The following KANSL1L variants were observed in gnomAD, a reference collection of about 807,000 sequenced individuals.
The protein encoded by KANSL1L is KAT8 regulatory NSL complex subunit 1 like, also known as KAT8 regulatory NSL complex subunit 1-like protein.
KANSL1L carries 25 observed loss-of-function variants against 108.6 expected under a neutral mutation model. The ratio of observed to expected loss-of-function variants is 0.23; its 90% CI spans 0.17 to 0.32. KANSL1L has a LOEUF of 0.32. Among genes scored for constraint, KANSL1L ranks in the 10% least tolerant of loss-of-function variants. The pLI is 1.00. For missense variants in KANSL1L, 1,137 were observed against 1,125.7 expected (o/e 1.01, Z -0.14); for synonymous variants, 405 against 395.1 (o/e 1.03, Z -0.30).
intron 1 of KANSL1L, among the ~76,000 whole-genome samples, chr2:210,161,083 G>T (rs1289846504): frequency 1.3e-5 from 2 of 150,384 alleles, no homozygotes; most frequent in Non-Finnish European, 2.9e-5. Flanking sequence ...CCGCCTCCCA[G>T]GTTGAAGTGA....
chr2:210,166,057 C>T (rs141945156), intron 1 of KANSL1L, among the ~76,000 whole-genome samples: 2 of 152,180 alleles, frequency 1.3e-5, no homozygotes, highest in East Asian at 1.9e-4. Flanking sequence ...GTACTGTCTG[C>T]GATTTCAGGT....
Position 210,021,480 on chromosome 2 carries a change from C to CAA in KANSL1L, c.*1467_*1468dup, listed in dbSNP as rs1196085621. 3.3e-5 allele frequency: 5 copies of CAA among 152,486 alleles called. No homozygotes were observed. The highest frequency in any genetic ancestry group is 1.2e-4 in the African/African-American group (5 of 41,424). The allele number at this position is 152,486 out of a possible 1,614,324, so 9.4% of individuals were successfully genotyped here. On this transcript the variant is annotated 3_prime_UTR_variant, in exon 15 of 15. Coordinates refer to ENST00000281772, the MANE Select transcript of KANSL1L (RefSeq NM_152519.4). Reference sequence around the variant, plus strand: ...TAGAAGATTATAATATCAGACGTGACAAAGATTTGAGTTTATTTGCCTGGA... The same window carrying CAA: ...TAGAAGATTATAATATCAGACGTGACAAAAAGATTTGAGTTTATTTGCCTGGA...
At chr2:210,024,270 C>T (rs2093903337) in intron 13 of KANSL1L, 69 bp from the exon 14 acceptor site, 1 of 1,229,156 alleles carries the variant, frequency 8.1e-7, no homozygotes, top group Admixed American at 2.7e-5. Flanking sequence ...ATGAACAACC[C>T]AAGGTATCAC....
intron 1 of KANSL1L, among the ~76,000 whole-genome samples, chr2:210,155,770 G>A (rs1317364625): frequency 2.0e-5 from 3 of 152,246 alleles, no homozygotes; most frequent in African/African-American, 2.4e-5. Flanking sequence ...ACAATTATAA[G>A]CTTTTAAAGA....
intron 2 of KANSL1L, among the ~76,000 whole-genome samples, chr2:210,141,339 T>C (rs868208713): frequency 6.6e-6 from 1 of 152,158 alleles, no homozygotes; most frequent in Admixed American, 6.6e-5. Flanking sequence ...AAAATTCATA[T>C]GTTAAAACCT....
Position 210,153,738 on chromosome 2 carries a change from A to G in KANSL1L, c.845T>C (p.Leu282Ser), listed in dbSNP as rs2095317443. The change falls in exon 2 of 15, where the codon TTG becomes TCG. Residue 282 changes from leucine (L) to serine (S), a missense_variant. Around this residue, in one of 3 missense-constraint regions of KANSL1L, gnomAD observed 556 missense variants for 537.7 expected, o/e 1.03. Coordinates refer to ENST00000281772, the MANE Select transcript of KANSL1L (RefSeq NM_152519.4). ...AGTGCATTTAGGTAAACTATTACCC[A>G]AAATTGTGGTAGGTTCATGAAATGT... ...MKTFHEPTTI[L>S]GNSLPKCTEI... is the part of the protein sequence containing the mutation. 1 of 1,606,370 alleles carries G rather than the reference A, an allele frequency of 6.2e-7. No individual in the cohort carries two copies.
intron 6 of KANSL1L, among the ~76,000 whole-genome samples, chr2:210,045,216 T>C (rs1347411841): frequency 6.6e-6 from 1 of 152,226 alleles, no homozygotes; most frequent in Non-Finnish European, 1.5e-5. Flanking sequence ...TTATATTTCA[T>C]TGATTCCTAC....
At chr2:210,066,421 C>G (rs2094467407) in intron 6 of KANSL1L, among the ~76,000 whole-genome samples, 1 of 152,242 alleles carries the variant, frequency 6.6e-6, no homozygotes, top group African/African-American at 2.4e-5. Flanking sequence ...ATGGCCAAAA[C>G]AACGGGGATA....
intron 3 of KANSL1L, among the ~76,000 whole-genome samples, chr2:210,121,413 C>T (rs866587524): frequency 2.0e-5 from 3 of 152,144 alleles, no homozygotes; most frequent in African/African-American, 7.2e-5. Context: ...CCAAATATCG[C>T]ATGTTCTCAC....
chr2:210,029,574 T>A (rs1485814876), intron 10 of KANSL1L, among the ~76,000 whole-genome samples: 2 of 152,118 alleles, frequency 1.3e-5, no homozygotes, highest in African/African-American at 4.8e-5. Context: ...AATGTTTAAA[T>A]TTTTAACACA....
chr2:210,064,138 C>G (rs2094445292), intron 6 of KANSL1L: 1 of 152,198 alleles, frequency 6.6e-6, no homozygotes. Flanking sequence ...CTACTGCCAT[C>G]TACGTTAAGA....
rs1272732785 is a variant in KANSL1L at position 210,153,723 on chromosome 2, G to A, written c.860C>T (p.Pro287Leu). 6.2e-7 allele frequency: 1 copy of A among 1,605,034 alleles called. No homozygotes were observed. Among genetic ancestry groups the A allele is most frequent in the Non-Finnish European group, 8.5e-7 (1 of 1,176,764 alleles). Residue 287 changes from proline (P) to leucine (L), a missense_variant, in exon 2 of 15, where the codon CCT (proline) becomes CTT (leucine). Coordinates refer to ENST00000281772, the MANE Select transcript of KANSL1L (RefSeq NM_152519.4). ...EPTTILGNSL[P>L]KCTEIKPEVN... is the part of the protein sequence containing the mutation. Reference sequence around the variant, plus strand: ...TTCTGGCTTAATTTCAGTGCATTTAGGTAAACTATTACCCAAAATTGTGGT... The same window carrying A: ...TTCTGGCTTAATTTCAGTGCATTTAAGTAAACTATTACCCAAAATTGTGGT...
chr2:210,029,097 C>A, intron 10 of KANSL1L, 128 bp from the exon 11 acceptor site: 1 of 789,060 alleles, frequency 1.3e-6, no homozygotes, highest in South Asian at 1.9e-5. Flanking sequence ...GTTATAAAGT[C>A]TGACTAAAAA....
intron 7 of KANSL1L, among the ~76,000 whole-genome samples, chr2:210,041,760 G>GA (rs1284101090): frequency 1.3e-5 from 2 of 152,022 alleles, no homozygotes; most frequent in African/African-American, 4.8e-5. Flanking sequence ...ATTTTAAACA[G>GA]AAAAAAATGA....
intron 6 of KANSL1L, among the ~76,000 whole-genome samples, chr2:210,072,550 G>A (rs1324518582): frequency 6.6e-6 from 1 of 152,148 alleles, no homozygotes; most frequent in Non-Finnish European, 1.5e-5. Flanking sequence ...TGGGGAGATG[G>A]TTTCAGGATG....
chr2:210,106,316 TA>T (rs1276964023), intron 3 of KANSL1L, among the ~76,000 whole-genome samples: 1 of 152,186 alleles, frequency 6.6e-6, no homozygotes, highest in Non-Finnish European at 1.5e-5. Flanking sequence ...TCAGTCTGTA[TA>T]GATTAGTCTG....
At chr2:210,100,907 G>A (rs2094787758) in intron 4 of KANSL1L, among the ~76,000 whole-genome samples, 1 of 152,038 alleles carries the variant, frequency 6.6e-6, no homozygotes, top group African/African-American at 2.4e-5. Context: ...CAAAGTGCTG[G>A]GATTACAGGC....
chr2:210,023,074 A>C lies in KANSL1L; in HGVS notation c.2839T>G (p.Phe947Val). 3.1e-6 allele frequency: 5 copies of C among 1,614,028 alleles called. No individual in the cohort carries two copies. The highest frequency in any genetic ancestry group is 4.2e-6 in the Non-Finnish European group (5 of 1,179,932). The change falls in exon 15 of 15, where the codon TTC (phenylalanine) becomes GTC (valine). Residue 947 changes from phenylalanine to valine, a missense_variant. Physicochemically the swap from Phe to Val is conservative, Grantham distance 50. Coordinates refer to ENST00000281772, the MANE Select transcript of KANSL1L (RefSeq NM_152519.4). Reference sequence around the variant, plus strand: ...CTGGTACCGAAGATTTCACCATGGAAAGCTGTGCTTGACCTTTCAACCTGA... The same window carrying C: ...CTGGTACCGAAGATTTCACCATGGACAGCTGTGCTTGACCTTTCAACCTGA... ...KDQVERSSTAFHGEIFGTSVP... is the reference protein window; with the variant it reads ...KDQVERSSTAVHGEIFGTSVP...
At chr2:210,024,370 G>T (rs2093905652) in intron 13 of KANSL1L, among the ~76,000 whole-genome samples, 169 bp from the exon 14 acceptor site, 1 of 152,048 alleles carries the variant, frequency 6.6e-6, no homozygotes, top group Non-Finnish European at 1.5e-5. Context: ...CATACTCAGA[G>T]GATGAAATAG....
Sources: gnomAD v4.1 joint callset for allele counts (sites outside exome capture counted in the v4.1 genomes callset) on GRCh38, gnomAD v4.1.1 for gene constraint, gnomAD v4.1.1 regional missense constraint, MANE v1.5 for transcripts, NCBI Gene and HGNC (gene_info 2026-07-23, HGNC 2026-07-21) for gene names.